Variants in SPATA13 observed in about 807,000 individuals in gnomAD.
SPATA13 encodes spermatogenesis associated 13.
SPATA13 carries 50 observed loss-of-function variants against 104.0 expected under a neutral mutation model. That is an observed-to-expected ratio of 0.48 (90% CI 0.38 to 0.61). The LOEUF is 0.61. SPATA13 is among the 20% of genes least tolerant of loss of function. The pLI is 0.00. For synonymous variants in SPATA13, 606 were observed against 667.5 expected (o/e 0.91, Z 1.42); for missense variants, 1,524 against 1,690.6 (o/e 0.90, Z 1.73).
chr13:24,174,765 G>A (rs1883148210), intron 1 of SPATA13, among the ~76,000 whole-genome samples: 1 of 152,100 alleles, frequency 6.6e-6, no homozygotes, highest in Non-Finnish European at 1.5e-5. Context: ...TTTTAGTAGA[G>A]ACAGGGTTTC....
chr13:24,001,608 G>T (rs1349028135), intron 2 of SPATA13, among the ~76,000 whole-genome samples: 1 of 151,984 alleles, frequency 6.6e-6, no homozygotes, highest in East Asian at 1.9e-4. Flanking sequence ...CTTCCCAGGA[G>T]ACCCTAGCAG....
Position 24,048,568 on chromosome 13 carries a change from T to C in SPATA13, c.-112+30867T>C, listed in dbSNP as rs115730901. Among the ~76,000 whole-genome samples, 1,430 of 152,276 alleles carry C rather than the reference T, an allele frequency of 9.4e-3. 27 individuals carry two copies. The highest frequency in any genetic ancestry group is 0.031 in the African/African-American group (1,290 of 41,562). ...AATATATAACTTTCTCTTATTTTTT[T>C]CTCCTTTGTACTTTATAAAATTTCT... On this transcript the variant is annotated intron_variant, in intron 3 of 14. Coordinates refer to the SPATA13 transcript ENST00000424834.
At chr13:23,993,624 C>A (rs1326978164) in intron 2 of SPATA13, among the ~76,000 whole-genome samples, 2 of 152,196 alleles carry the variant, frequency 1.3e-5, no homozygotes, top group East Asian at 1.9e-4. Flanking sequence ...CCCACAGACC[C>A]CTGCGTGACA....
At chr13:24,066,379 A>T (rs1166139429) in intron 3 of SPATA13, among the ~76,000 whole-genome samples, 1 of 152,076 alleles carries the variant, frequency 6.6e-6, no homozygotes, top group East Asian at 1.9e-4. Flanking sequence ...GGAAACTGAG[A>T]CTCAGAGTTT....
Position 24,132,868 on chromosome 13 carries a change from G to A in SPATA13, c.-111-89951G>A, listed in dbSNP as rs138245069. Among the ~76,000 whole-genome samples, 670 of 152,260 alleles carry A rather than the reference G, an allele frequency of 4.4e-3. 2 individuals carry two copies. The highest frequency in any genetic ancestry group is 0.01 in the Middle Eastern group (3 of 294). On this transcript the variant is annotated intron_variant, in intron 3 of 14. Transcript: ENST00000424834. ...ACACGTCTGTAGTTCCAGCTACTCAGTATGATGAGGGCACGAGAATCACTT... is the reference window on the plus strand; with the variant it reads ...ACACGTCTGTAGTTCCAGCTACTCAATATGATGAGGGCACGAGAATCACTT...
chr13:24,048,763 G>A (rs985701161), intron 3 of SPATA13, among the ~76,000 whole-genome samples: 2 of 152,106 alleles, frequency 1.3e-5, no homozygotes, highest in African/African-American at 2.4e-5. Context: ...TGTCCCTAAA[G>A]CAAAGGAGAA....
chr13:24,189,910 C>A (rs866411360), intron 1 of SPATA13, among the ~76,000 whole-genome samples: 5 of 85,308 alleles, frequency 5.9e-5, no homozygotes, highest in African/African-American at 1.0e-4. Context: ...AATTATATTA[C>A]ATAATATATA....
intron 3 of SPATA13, among the ~76,000 whole-genome samples, chr13:24,056,957 C>T (rs1333793588): frequency 2.8e-5 from 4 of 144,242 alleles, no homozygotes; most frequent in Non-Finnish European, 6.0e-5. Flanking sequence ...AGCTTTAGGG[C>T]GTTTCTGGGA....
At chr13:24,129,682 G>T (rs192833409) in intron 3 of SPATA13, among the ~76,000 whole-genome samples, 1 of 152,310 alleles carries the variant, frequency 6.6e-6, no homozygotes, top group Admixed American at 6.5e-5. Context: ...GTCTGTTTCT[G>T]CTTTAAATAG....
intron 2 of SPATA13, among the ~76,000 whole-genome samples, chr13:24,229,700 A>C (rs1280444500): frequency 6.6e-6 from 1 of 152,192 alleles, no homozygotes; most frequent in Non-Finnish European, 1.5e-5. Flanking sequence ...ACATCATGCT[A>C]CTTAAAAAAA....
chr13:24,237,531 A>G (rs1210769865), intron 2 of SPATA13, among the ~76,000 whole-genome samples: 1 of 152,220 alleles, frequency 6.6e-6, no homozygotes, highest in Non-Finnish European at 1.5e-5. Flanking sequence ...AGTCATTGCC[A>G]GGGGCTGTGG....
At chr13:24,000,319 A>T (rs1875895600) in intron 2 of SPATA13, among the ~76,000 whole-genome samples, 1 of 152,196 alleles carries the variant, frequency 6.6e-6, no homozygotes, top group South Asian at 2.1e-4. Flanking sequence ...ATACAAAGAT[A>T]GAAAAGGTTT....
intron 3 of SPATA13, among the ~76,000 whole-genome samples, chr13:24,024,663 T>C (rs1014673369): frequency 2.3e-5 from 3 of 132,398 alleles, no homozygotes; most frequent in South Asian, 2.6e-4. Flanking sequence ...TTCTTAAACA[T>C]TTTGTTAATA....
chr13:24,071,062 C>T (rs1879144715), intron 3 of SPATA13, among the ~76,000 whole-genome samples: 1 of 152,158 alleles, frequency 6.6e-6, no homozygotes, highest in African/African-American at 2.4e-5. Context: ...CCCTGGAGAA[C>T]CATGATGAAT....
chr13:24,104,662 G>C (rs763935002), intron 3 of SPATA13, among the ~76,000 whole-genome samples: 8 of 152,194 alleles, frequency 5.3e-5, no homozygotes, highest in South Asian at 2.1e-4. Flanking sequence ...TCCCATCTTT[G>C]ATGAGCTAAG....
rs147996537 is a variant in SPATA13, at chr13:24,238,249, C to T, written c.1654-11228C>T. Among the ~76,000 whole-genome samples, 749 of 149,870 alleles carry T rather than the reference C, an allele frequency of 5.0e-3. 37 individuals are homozygous for T. In the East Asian group the frequency reaches 0.11, roughly 22 times the overall value. ...TCGGCTCACTGCAGTCTTCGCCTCCCGGGTTCAAGCGATTCTTGTGCCTCA... is the reference window on the plus strand; with the variant it reads ...TCGGCTCACTGCAGTCTTCGCCTCCTGGGTTCAAGCGATTCTTGTGCCTCA... On this transcript the variant is annotated intron_variant, in intron 2 of 12. Coordinates refer to ENST00000382108, the MANE Select transcript of SPATA13 (RefSeq NM_001166271.3).
chr13:24,268,263 G>A (rs1392813658), intron 4 of SPATA13, among the ~76,000 whole-genome samples: 3 of 152,304 alleles, frequency 2.0e-5, no homozygotes, highest in Non-Finnish European at 2.9e-5. Context: ...TTCTTGGAGC[G>A]TATTATGCCA....
At chr13:24,122,146 C>G in intron 3 of SPATA13, 2 of 1,610,652 alleles carry the variant, frequency 1.2e-6, no homozygotes, top group Non-Finnish European at 1.7e-6. Flanking sequence ...CTCCATGCTT[C>G]TCAATCATTT....
chr13:24,134,919 GCGGGCTCCAATCCAACATGA>G (rs1357468001), intron 3 of SPATA13, among the ~76,000 whole-genome samples: 1 of 152,140 alleles, frequency 6.6e-6, no homozygotes, highest in Admixed American at 6.5e-5. Context: ...AGTCATTAAG[GCGGGCTCCAATCCAACATGA>G]CTGGTGTCCT....
Sources: gnomAD v4.1 joint callset for allele counts (sites outside exome capture counted in the v4.1 genomes callset) on GRCh38, gnomAD v4.1.1 for gene constraint, MANE v1.5 for transcripts, NCBI Gene and HGNC (gene_info 2026-07-23, HGNC 2026-07-21) for gene names.